Variants in CCDC146 observed in about 807,000 individuals in gnomAD.
CCDC146 encodes the protein coiled-coil domain-containing protein 146.
Under a neutral mutation model 119.3 loss-of-function variants are expected in CCDC146, and 92 were observed. That is an observed-to-expected ratio of 0.77 (90% CI 0.65 to 0.92). The LOEUF (loss-of-function observed/expected upper bound fraction) is 0.92, where lower values mean the gene tolerates loss of function less well. CCDC146 is among the 40% of genes least tolerant of loss of function. The pLI is 0.00. For missense variants in CCDC146, 1,000 were observed against 1,103.0 expected (o/e 0.91, Z 1.32); for synonymous variants, 372 against 371.8 (o/e 1.00, Z -0.01).
chr7:77,164,605 C>T lies in CCDC146; in HGVS notation c.-11-3053C>T, dbSNP rs566258099. Among the ~76,000 whole-genome samples the T allele has an allele frequency of 3.9e-5, 6 of 152,276 alleles. No homozygotes were observed. In the East Asian group the frequency reaches 9.6e-4, roughly 24 times the overall value. On this transcript the variant is annotated intron_variant, in intron 1 of 18. Coordinates refer to ENST00000285871, the MANE Select transcript of CCDC146 (RefSeq NM_020879.3). ...GGAAAACAAGTACATGTATAATTTCCGGCTGGCAGAAAATTAGAGATAGAG... is the reference window on the plus strand; with the variant it reads ...GGAAAACAAGTACATGTATAATTTCTGGCTGGCAGAAAATTAGAGATAGAG...
In CCDC146 at chr7:77,234,854, C is replaced by T. The variant is rs572086781; in HGVS notation, c.157-2093C>T. Among the ~76,000 whole-genome samples, 377 of 152,238 alleles carry T rather than the reference C, an allele frequency of 2.5e-3. 1 individual carries two copies. The highest frequency in any genetic ancestry group is 4.0e-3 in the Non-Finnish European group (274 of 68,026). On this transcript the variant is annotated intron_variant, in intron 2 of 18. Transcript: ENST00000285871. ...TAAAGATCTTGTTCACCATATTTCA[C>T]CCATAGATTAAAAAAATAATGAGGG...
intron 2 of CCDC146, chr7:77,194,628 C>A (rs999418233): frequency 1.5e-4 from 23 of 152,030 alleles, no homozygotes; most frequent in African/African-American, 5.3e-4. Context: ...CCTCCTTAAT[C>A]ATTTTAAAAT....
At chr7:77,256,269 A>G (rs1376542307) in intron 5 of CCDC146, 64 bp from the exon 6 acceptor site, 4 of 1,204,984 alleles carry the variant, frequency 3.3e-6, no homozygotes, top group African/African-American at 1.5e-5. Flanking sequence ...GTTTTAGTTC[A>G]GTTTTTAGGT....
At chr7:77,285,134 T>C (rs934290154) in intron 15 of CCDC146, among the ~76,000 whole-genome samples, 30 of 152,324 alleles carry the variant, frequency 2.0e-4, no homozygotes, top group Non-Finnish European at 3.2e-4. Context: ...CCTATAATGA[T>C]AGCTCAATTT....
At chr7:77,224,640 C>A (rs1339088624) in intron 2 of CCDC146, among the ~76,000 whole-genome samples, 2 of 152,128 alleles carry the variant, frequency 1.3e-5, no homozygotes, top group Admixed American at 1.3e-4. Context: ...ATTACAGAAC[C>A]AAAAGCATCA....
chr7:77,274,977 C>T (rs893629805), intron 11 of CCDC146, among the ~76,000 whole-genome samples: 4 of 147,676 alleles, frequency 2.7e-5, no homozygotes, highest in Admixed American at 7.1e-5. Flanking sequence ...TGTATACATA[C>T]GTAACTAACT....
chr7:77,170,937 A>G (rs1211879349), intron 2 of CCDC146, among the ~76,000 whole-genome samples: 1 of 152,210 alleles, frequency 6.6e-6, no homozygotes, highest in Non-Finnish European at 1.5e-5. Context: ...AAAGGTGTGG[A>G]GAAAAAGAAA....
chr7:77,187,893 T>C (rs539466240), intron 2 of CCDC146, among the ~76,000 whole-genome samples: 1 of 152,186 alleles, frequency 6.6e-6, no homozygotes, highest in South Asian at 2.1e-4. Flanking sequence ...ATAATCTACA[T>C]TTGATGTATA....
intron 5 of CCDC146, 112 bp downstream of exon 5, chr7:77,254,675 T>A: frequency 1.7e-6 from 1 of 589,022 alleles, no homozygotes; most frequent in Non-Finnish European, 3.0e-6. Context: ...TTAAAGACTC[T>A]AAAGTCTTAA....
At chr7:77,172,075 T>C (rs900333271) in intron 2 of CCDC146, among the ~76,000 whole-genome samples, 1 of 152,214 alleles carries the variant, frequency 6.6e-6, no homozygotes, top group Non-Finnish European at 1.5e-5. Context: ...AGTATCAATA[T>C]CAGCAATTTT....
intron 7 of CCDC146, 106 bp from the exon 8 acceptor site, chr7:77,259,903 G>A (rs560146048): frequency 1.0e-5 from 8 of 768,484 alleles, no homozygotes; most frequent in African/African-American, 5.2e-5. Context: ...TAGAAAGCAA[G>A]AATAGGTAAA....
chr7:77,232,010 G>A (rs1562841408), intron 2 of CCDC146, among the ~76,000 whole-genome samples: 1 of 151,922 alleles, frequency 6.6e-6, no homozygotes, highest in Non-Finnish European at 1.5e-5. Flanking sequence ...TGTTATTGTT[G>A]TTCATCTATT....
chr7:77,177,662 G>A (rs1057035724), intron 2 of CCDC146, among the ~76,000 whole-genome samples: 1 of 152,112 alleles, frequency 6.6e-6, no homozygotes, highest in East Asian at 1.9e-4. Flanking sequence ...AATATTTCTA[G>A]TATGTTTCCC....
At chr7:77,158,390 G>A (rs1226842754) in intron 1 of CCDC146, among the ~76,000 whole-genome samples, 9 of 152,068 alleles carry the variant, frequency 5.9e-5, no homozygotes, top group South Asian at 2.1e-4. Context: ...TCATATCACC[G>A]TAGCCTGAGA....
chr7:77,293,791 G>A (rs1793995185), intron 18 of CCDC146, among the ~76,000 whole-genome samples: 1 of 152,214 alleles, frequency 6.6e-6, no homozygotes, highest in African/African-American at 2.4e-5. Flanking sequence ...TTCTTAGACT[G>A]GAATTAGGCA....
chr7:77,227,711 ACTCTCTAAATTCTAATT>A (rs1239221609), intron 2 of CCDC146, among the ~76,000 whole-genome samples: 1 of 152,118 alleles, frequency 6.6e-6, no homozygotes, highest in Non-Finnish European at 1.5e-5. Flanking sequence ...TGATCACAGT[ACTCTCTAAATTCTAATT>A]CTCTCTAAAT....
chr7:77,215,316 A>C lies in CCDC146; in HGVS notation c.157-21631A>C, dbSNP rs544157532. Reference sequence around the variant, plus strand: ...TTTTGGGTAGTGGGAGCCTTTTGACATGACTCCAAATCCCTTTGACATGAT... The same window carrying C: ...TTTTGGGTAGTGGGAGCCTTTTGACCTGACTCCAAATCCCTTTGACATGAT... On this transcript the variant is annotated intron_variant, in intron 2 of 18. Transcript: ENST00000285871. Among the ~76,000 whole-genome samples, 11 of 151,812 alleles carry C rather than the reference A, an allele frequency of 7.2e-5. No individual in the cohort carries two copies. In the South Asian group the frequency reaches 2.1e-3, roughly 29 times the overall value.
At chr7:77,146,608 G>A (rs1791023786) in intron 1 of CCDC146, among the ~76,000 whole-genome samples, 1 of 152,110 alleles carries the variant, frequency 6.6e-6, no homozygotes, top group Non-Finnish European at 1.5e-5. Flanking sequence ...AAGCCTGGTG[G>A]TGACAAAATC....
intron 2 of CCDC146, among the ~76,000 whole-genome samples, chr7:77,203,045 CA>C (rs1402391261): frequency 6.3e-5 from 6 of 95,578 alleles, no homozygotes; most frequent in African/African-American, 1.5e-4. Flanking sequence ...CCCCCCCCCC[CA>C]GGACTATTTT....
Sources: gnomAD v4.1 joint callset for allele counts (sites outside exome capture counted in the v4.1 genomes callset) on GRCh38, gnomAD v4.1.1 for gene constraint, MANE v1.5 for transcripts, NCBI Gene and HGNC (gene_info 2026-07-23, HGNC 2026-07-21) for gene names.